The following DCC variants were observed in gnomAD, a reference collection of about 807,000 sequenced individuals.
DCC encodes netrin receptor DCC.
In DCC, 58 loss-of-function variants were observed where a neutral mutation model predicts 172.5. That is an observed-to-expected ratio of 0.34 (90% CI 0.27 to 0.42). The LOEUF is 0.42. Among genes scored for constraint, DCC ranks in the 10% least tolerant of loss-of-function variants. DCC has a pLI of 1.00. For synonymous variants in DCC, 709 were observed against 644.5 expected (o/e 1.10, Z -1.52); for missense variants, 1,740 against 1,791.0 (o/e 0.97, Z 0.51).
intron 2 of DCC, among the ~76,000 whole-genome samples, chr18:52,840,019 C>T (rs370780986): frequency 2.0e-5 from 3 of 152,146 alleles, no homozygotes; most frequent in East Asian, 1.9e-4. Flanking sequence ...CTGCCCTATA[C>T]GCAAGGTTTC....
intron 2 of DCC, among the ~76,000 whole-genome samples, chr18:52,807,619 G>A (rs1265205342): frequency 1.3e-5 from 2 of 152,072 alleles, no homozygotes; most frequent in Non-Finnish European, 2.9e-5. Flanking sequence ...TCAGGATCTC[G>A]CTTTTCATTA....
intron 20 of DCC, among the ~76,000 whole-genome samples, chr18:53,414,417 G>C (rs1334531845): frequency 1.3e-5 from 2 of 152,108 alleles, no homozygotes; most frequent in Non-Finnish European, 2.9e-5. Context: ...CAAGTCTGTG[G>C]CTTTGAAGGT....
intron 1 of DCC, among the ~76,000 whole-genome samples, chr18:52,609,924 A>AT (rs1027551257): frequency 1.3e-5 from 2 of 151,676 alleles, no homozygotes; most frequent in African/African-American, 4.8e-5. Context: ...TATTGTCTGG[A>AT]TTTTAAAGGA....
At chr18:52,990,068 T>C (rs1254956774) in intron 5 of DCC, among the ~76,000 whole-genome samples, 2 of 152,154 alleles carry the variant, frequency 1.3e-5, no homozygotes, top group Non-Finnish European at 2.9e-5. Flanking sequence ...GACACTATAT[T>C]CTCTCATTTT....
intron 27 of DCC, among the ~76,000 whole-genome samples, chr18:53,517,711 C>CTGTT (rs773910444): frequency 7.2e-5 from 11 of 151,944 alleles, no homozygotes; most frequent in Non-Finnish European, 1.5e-4. Flanking sequence ...GTCAAATAGG[C>CTGTT]TGTTTCCCTT....
intron 5 of DCC, among the ~76,000 whole-genome samples, chr18:53,054,921 A>G (rs966812558): frequency 3.3e-5 from 5 of 152,136 alleles, no homozygotes; most frequent in Non-Finnish European, 5.9e-5. Context: ...TGATAGCAGA[A>G]TAGCTTACTA....
At chr18:52,822,240 G>T (rs1319978173) in intron 2 of DCC, among the ~76,000 whole-genome samples, 1 of 152,140 alleles carries the variant, frequency 6.6e-6, no homozygotes, top group African/African-American at 2.4e-5. Context: ...GCCCTATATT[G>T]TCAGGCTATT....
chr18:53,478,555 G>A (rs976119123), intron 25 of DCC, among the ~76,000 whole-genome samples: 6 of 151,826 alleles, frequency 4.0e-5, no homozygotes, highest in Non-Finnish European at 8.8e-5. Context: ...AAATATTTGA[G>A]GGAAAAAAAG....
chr18:53,131,389 G>A (rs1029069533), intron 7 of DCC, among the ~76,000 whole-genome samples: 2 of 152,216 alleles, frequency 1.3e-5, no homozygotes, highest in Admixed American at 1.3e-4. Flanking sequence ...CTCATTTTTA[G>A]ATCAAATCTT....
intron 5 of DCC, among the ~76,000 whole-genome samples, chr18:52,992,147 T>G (rs1229221419): frequency 6.6e-6 from 1 of 152,218 alleles, no homozygotes; most frequent in Admixed American, 6.5e-5. Flanking sequence ...GGTGGAAGCA[T>G]GACGCTTAGT....
rs566607921 is a variant in DCC at position 53,315,523 on chromosome 18, T to C, written c.2054-6524T>C. Among the ~76,000 whole-genome samples, 5 of 152,312 alleles carry C rather than the reference T, an allele frequency of 3.3e-5. No homozygotes were observed. In the East Asian group the frequency reaches 7.7e-4, roughly 24 times the overall value. On this transcript the variant is annotated intron_variant, in intron 13 of 28. Transcript: ENST00000442544. ...AATTGGTATTTCTGATTCTAGATCC[T>C]TGAGGAATCGCCACACTGTCTTCCA...
At chr18:52,725,920 T>C (rs80189908) in intron 1 of DCC, among the ~76,000 whole-genome samples, 5,550 of 152,274 alleles carry the variant, frequency 0.036, 135 homozygotes, top group Admixed American at 0.049. Context: ...ATGAACACTC[T>C]TACACTTTTC....
At chr18:53,414,506 T>C (rs1460502613) in intron 20 of DCC, among the ~76,000 whole-genome samples, 1 of 152,158 alleles carries the variant, frequency 6.6e-6, no homozygotes, top group African/African-American at 2.4e-5. Context: ...TTTTTACTTT[T>C]CAATTATATC....
intron 5 of DCC, among the ~76,000 whole-genome samples, chr18:53,059,597 T>C (rs895920422): frequency 3.3e-5 from 5 of 152,192 alleles, no homozygotes; most frequent in East Asian, 1.9e-4. Context: ...AGATATGCTT[T>C]AATATTTCTG....
intron 15 of DCC, 93 bp from the exon 16 acceptor site, chr18:53,385,950 A>T (rs928750946): frequency 1.2e-6 from 1 of 840,540 alleles, no homozygotes; most frequent in Non-Finnish European, 2.0e-6. Context: ...CAAGTAGATT[A>T]TATGAAATTT....
chr18:53,427,776 G>C (rs58351564), intron 21 of DCC, among the ~76,000 whole-genome samples: 1 of 141,090 alleles, frequency 7.1e-6, no homozygotes, highest in Non-Finnish European at 1.5e-5. Context: ...GTAGAATTCA[G>C]AGGAGTAACC....
chr18:52,466,752 A>G (rs576918013), intron 1 of DCC, among the ~76,000 whole-genome samples: 76 of 152,326 alleles, frequency 5.0e-4, no homozygotes, highest in African/African-American at 1.7e-3. Context: ...AACACACTGC[A>G]TAGCTAGCCT....
At chr18:53,434,021 A>G (rs8099829) in intron 21 of DCC, among the ~76,000 whole-genome samples, 80 of 152,218 alleles carry the variant, frequency 5.3e-4, no homozygotes, top group African/African-American at 1.7e-3. Context: ...GTTTCTTGAA[A>G]GCTGTTTTGC....
intron 15 of DCC, among the ~76,000 whole-genome samples, chr18:53,341,055 T>C (rs566090036): frequency 1.9e-4 from 29 of 152,328 alleles, no homozygotes; most frequent in African/African-American, 6.3e-4. Context: ...TAGCTTGGCG[T>C]TTAGAAATAA....
Sources: gnomAD v4.1 joint callset for allele counts (sites outside exome capture counted in the v4.1 genomes callset) on GRCh38, gnomAD v4.1.1 for gene constraint, MANE v1.5 for transcripts, NCBI Gene and HGNC (gene_info 2026-07-23, HGNC 2026-07-21) for gene names.